Variants in NEBL observed in about 807,000 individuals in gnomAD.
NEBL encodes nebulette.
NEBL carries 122 observed loss-of-function variants against 140.2 expected under a neutral mutation model. That is an observed-to-expected ratio of 0.87 (90% CI 0.75 to 1.01). NEBL has a LOEUF of 1.01. NEBL is among the 50% of genes least tolerant of loss of function. NEBL has a pLI of 0.00. For missense variants in NEBL, 1,365 were observed against 1,231.3 expected, an observed-to-expected ratio of 1.11 and a Z score of -1.62; for synonymous variants, 436 against 398.9, an observed-to-expected ratio of 1.09 and a Z score of -1.11.
At chr10:21,117,003 A>G (rs1838314383) in intron 2 of NEBL, among the ~76,000 whole-genome samples, 1 of 152,056 alleles carries the variant, frequency 6.6e-6, no homozygotes, top group Non-Finnish European at 1.5e-5. Context: ...TGGATTTCAG[A>G]AATATACATG....
Position 21,080,329 on chromosome 10 carries a change from G to A in NEBL, c.165-60128C>T, listed in dbSNP as rs185340700. ...AATTCCTCTTTTGATATTGCATTCC[G>A]TGCATGAGACATATATTTTTGACTC... On this transcript the variant is annotated intron_variant, in intron 2 of 6. Transcript: ENST00000417816. 3.9e-5 allele frequency among the ~76,000 whole-genome samples: 6 copies of A among 152,246 alleles called. 1 individual carries two copies. The South Asian group carries it at 6.2e-4, about 16-fold the overall frequency.
chr10:21,095,945 G>A (rs1357993442), intron 2 of NEBL, among the ~76,000 whole-genome samples: 2 of 152,166 alleles, frequency 1.3e-5, no homozygotes, highest in Non-Finnish European at 2.9e-5. Context: ...AACCTTGGTA[G>A]GTTGCAGCTT....
chr10:20,937,717 T>C lies in NEBL; in HGVS notation c.357+23955A>G, dbSNP rs1834575254. ...AAAGAAAGGGGTGACAGATGGCACC[T>C]GGAAAATCGGGTCACTCCCACCCTA... is the stretch of plus-strand genomic sequence containing the variant. On this transcript the variant is annotated intron_variant, in intron 4 of 6. Transcript: ENST00000417816. 2.0e-5 allele frequency among the ~76,000 whole-genome samples: 3 copies of C among 152,256 alleles called. No individual in the cohort carries two copies. The South Asian group carries it at 6.2e-4, about 32-fold the overall frequency.
At chr10:21,129,428 C>T (rs11012539) in intron 2 of NEBL, among the ~76,000 whole-genome samples, 2,301 of 151,860 alleles carry the variant, frequency 0.015, 31 homozygotes, top group African/African-American at 0.04. Flanking sequence ...TCTTAATTGA[C>T]CTTACAGAAT....
At chr10:20,898,570 G>A (rs927957903), upstream of NEBL, among the ~76,000 whole-genome samples, 1 of 151,954 alleles carries the variant, frequency 6.6e-6, no homozygotes, top group African/African-American at 2.4e-5. Context: ...AAAAGATTCT[G>A]GGGGAAAAAA....
At chr10:21,115,741 T>C (rs1167260474) in intron 2 of NEBL, among the ~76,000 whole-genome samples, 1 of 152,084 alleles carries the variant, frequency 6.6e-6, no homozygotes, top group African/African-American at 2.4e-5. Context: ...TGTGGGATGA[T>C]GATTTTCAGC....
At chr10:20,837,992 C>T (rs1841052270) in intron 13 of NEBL, among the ~76,000 whole-genome samples, 1 of 152,172 alleles carries the variant, frequency 6.6e-6, no homozygotes, top group Non-Finnish European at 1.5e-5. Context: ...TGCACCTGGT[C>T]ACCAAACAGT....
intron 3 of NEBL, among the ~76,000 whole-genome samples, chr10:21,217,503 C>G (rs1385008170): frequency 6.6e-6 from 1 of 152,024 alleles, no homozygotes; most frequent in South Asian, 2.1e-4. Flanking sequence ...GACTGGCTTC[C>G]AATAATTTGA....
At chr10:21,252,217 C>T (rs183006611) in intron 1 of NEBL, among the ~76,000 whole-genome samples, 394 of 152,340 alleles carry the variant, frequency 2.6e-3, no homozygotes, top group Middle Eastern at 6.8e-3. Context: ...TTGCTGTGGA[C>T]TCAAATATCC....
intron 3 of NEBL, among the ~76,000 whole-genome samples, chr10:21,245,656 C>T (rs932318857): frequency 3.9e-5 from 6 of 152,164 alleles, no homozygotes; most frequent in African/African-American, 7.2e-5. Flanking sequence ...CTCAGCCTCC[C>T]AAGTAGCTGG....
At position 21,063,541 on chromosome 10, in the gene NEBL, A is replaced by G. The variant is rs531007389; in HGVS notation, c.165-43340T>C. 5.9e-5 allele frequency among the ~76,000 whole-genome samples: 9 copies of G among 152,356 alleles called. No individual in the cohort carries two copies. In the South Asian group the frequency reaches 1.7e-3, roughly 28 times the overall value. Reference sequence around the variant, plus strand: ...CAAGTTTTCTATTCACATGTAGCAAATCAACAGTGGTTATATTTTTCTTCT... The same window carrying G: ...CAAGTTTTCTATTCACATGTAGCAAGTCAACAGTGGTTATATTTTTCTTCT... On this transcript the variant is annotated intron_variant, in intron 2 of 6. Transcript: ENST00000417816.
At chr10:20,841,505 C>G (rs1841407763) in intron 12 of NEBL, 1 of 152,324 alleles carries the variant, frequency 6.6e-6, no homozygotes, top group Non-Finnish European at 1.5e-5. Flanking sequence ...TATTTCAAGG[C>G]CCCCTTTACT....
At chr10:21,045,930 C>T (rs2131841499) in intron 2 of NEBL, among the ~76,000 whole-genome samples, 1 of 152,302 alleles carries the variant, frequency 6.6e-6, no homozygotes, top group East Asian at 1.9e-4. Context: ...ATGTTTATCA[C>T]AGCACTATTC....
intron 5 of NEBL, among the ~76,000 whole-genome samples, chr10:20,873,561 AAATAAT>A (rs1036974281): frequency 1.3e-5 from 2 of 152,116 alleles, no homozygotes; most frequent in Non-Finnish European, 2.9e-5. Flanking sequence ...GAGAAAAAGA[AAATAAT>A]AATAATGATA....
intron 1 of NEBL, among the ~76,000 whole-genome samples, chr10:21,262,048 C>G (rs566506237): frequency 6.6e-6 from 1 of 152,164 alleles, no homozygotes; most frequent in South Asian, 2.1e-4. Flanking sequence ...TGCCCCCAAC[C>G]GAAAGCCGAC....
At chr10:20,857,502 G>T (rs530124224) in intron 9 of NEBL, among the ~76,000 whole-genome samples, 1 of 152,206 alleles carries the variant, frequency 6.6e-6, no homozygotes, top group Non-Finnish European at 1.5e-5. Context: ...ATTAAAATAG[G>T]TATGGAAATA....
chr10:21,191,291 C>T (rs768354968), intron 3 of NEBL, among the ~76,000 whole-genome samples: 1 of 152,116 alleles, frequency 6.6e-6, no homozygotes. Flanking sequence ...CTCACAATAA[C>T]CCTACTAGTA....
At chr10:21,090,236 C>G (rs1433635965) in intron 2 of NEBL, among the ~76,000 whole-genome samples, 1 of 152,222 alleles carries the variant, frequency 6.6e-6, no homozygotes, top group Non-Finnish European at 1.5e-5. Flanking sequence ...CACAAAGATT[C>G]TTGCTATAAA....
At chr10:21,012,702 G>A (rs1838390482) in intron 3 of NEBL, among the ~76,000 whole-genome samples, 1 of 152,044 alleles carries the variant, frequency 6.6e-6, no homozygotes, top group Non-Finnish European at 1.5e-5. Context: ...CATCCTCCTC[G>A]ATAGATAGAC....
Sources: allele counts gnomAD v4.1 joint callset (sites outside exome capture counted in the v4.1 genomes callset), GRCh38; gene constraint gnomAD v4.1.1; transcripts MANE v1.5; gene names NCBI Gene and HGNC (gene_info 2026-07-23, HGNC 2026-07-21).